Variants in COTL1 observed in about 807,000 individuals in gnomAD.
COTL1 encodes coactosin like F-actin binding protein 1.
Under a neutral mutation model 16.5 loss-of-function variants are expected in COTL1, and 15 were observed. The ratio of observed to expected loss-of-function variants is 0.91; its 90% confidence interval spans 0.61 to 1.40. COTL1 has a LOEUF of 1.40. COTL1 is among the 40% of genes most tolerant of loss of function. The pLI is 0.00. For missense variants in COTL1, 220 were observed against 201.5 expected (o/e 1.09, Z -0.56); for synonymous variants, 112 against 85.3 (o/e 1.31, Z -1.73).
chr16:84,584,796 T>G, intron 3 of COTL1, among the ~76,000 whole-genome samples: 1 of 152,184 alleles, frequency 6.6e-6, no homozygotes, highest in East Asian at 1.9e-4. Flanking sequence ...CTATATTTGC[T>G]CATTTAATCC....
intron 2 of COTL1, among the ~76,000 whole-genome samples, chr16:84,591,683 CACGGTGGCAGGCACCTGTAGTCCCA>C (rs1424048597): frequency 7.2e-6 from 1 of 139,198 alleles, no homozygotes; most frequent in East Asian, 2.1e-4. Context: ...ATTAGCTGGG[CACGGTGGCAGGCACCTGTAGTCCCA>C]GCTACCAGGG....
intron 3 of COTL1, among the ~76,000 whole-genome samples, chr16:84,586,171 A>G (rs886908802): frequency 6.6e-6 from 1 of 152,194 alleles, no homozygotes; most frequent in African/African-American, 2.4e-5. Context: ...CGCCAACCCC[A>G]GAGAAAAACA....
rs777830918 is a variant in COTL1, at chr16:84,566,838, G to A, written c.*7C>T. The stretch of plus-strand genomic sequence containing the variant: ...TTTGGCAAGGGGTGGTGTGGCGGGG[G>A]CTGGGGTTACTCCGTCTGGGCGTCG... On this transcript the variant is annotated 3_prime_UTR_variant, in exon 4 of 4. Transcript: ENST00000262428. 2.0e-5 allele frequency: 32 copies of A among 1,593,830 alleles called. No homozygotes were observed. Among genetic ancestry groups the A allele is most frequent in the Admixed American group, 3.4e-5 (2 of 59,512 alleles).
chr16:84,575,013 G>T (rs1904420730), intron 3 of COTL1, among the ~76,000 whole-genome samples: 1 of 152,052 alleles, frequency 6.6e-6, no homozygotes, highest in Admixed American at 6.5e-5. Flanking sequence ...CTCCTGTCTT[G>T]GTTTTAAATC....
At chr16:84,601,876 G>C (rs1425235676) in intron 2 of COTL1, among the ~76,000 whole-genome samples, 1 of 152,210 alleles carries the variant, frequency 6.6e-6, no homozygotes, top group Non-Finnish European at 1.5e-5. Context: ...AACAGCCTCT[G>C]CTGGCAAGTT....
chr16:84,604,432 A>G (rs1905169597), intron 2 of COTL1, among the ~76,000 whole-genome samples: 1 of 150,536 alleles, frequency 6.6e-6, no homozygotes, highest in South Asian at 2.1e-4. Context: ...TTATTTACAC[A>G]GCATGAACTG....
rs1214184468 is a variant in COTL1 at position 84,565,960 on chromosome 16, A to T, written c.*885T>A. The T allele has an allele frequency of 6.6e-6, 1 of 152,324 alleles. No homozygotes were observed. Among genetic ancestry groups the T allele is most frequent in the Non-Finnish European group, 1.5e-5 (1 of 68,078 alleles). The allele number at this position is 152,324 out of a possible 1,614,324, so 9.4% of individuals were successfully genotyped here. On this transcript the variant is annotated 3_prime_UTR_variant, in exon 4 of 4. Coordinates refer to ENST00000262428, the MANE Select transcript of COTL1 (RefSeq NM_021149.5). ...TCCTGAACCTAAGGGATCCGTTCCC[A>T]GCTCTCCTTAAATTCCCAGTCCCCA...
chr16:84,609,017 C>G (rs1763411271), intron 2 of COTL1, among the ~76,000 whole-genome samples: 1 of 152,164 alleles, frequency 6.6e-6, no homozygotes, highest in African/African-American at 2.4e-5. Flanking sequence ...TATAACTGCC[C>G]AAAGCCCTGT....
chr16:84,584,896 G>C (rs111600171), intron 3 of COTL1, among the ~76,000 whole-genome samples: 2 of 152,114 alleles, frequency 1.3e-5, no homozygotes, highest in Non-Finnish European at 2.9e-5. Flanking sequence ...TGTGCCCAAG[G>C]CCACACAGTA....
intron 2 of COTL1, among the ~76,000 whole-genome samples, chr16:84,602,201 A>G (rs1044722283): frequency 2.9e-5 from 3 of 103,290 alleles, no homozygotes; most frequent in Non-Finnish European, 6.4e-5. Flanking sequence ...TTTCAGTTCA[A>G]TGGGGGTGGG....
At position 84,582,790 on chromosome 16, in the gene COTL1, T is replaced by G. The variant is rs1479493229; in HGVS notation, c.318+7315A>C. On this transcript the variant is annotated intron_variant, in intron 3 of 3. Coordinates refer to ENST00000262428, the MANE Select transcript of COTL1 (RefSeq NM_021149.5). ...AATTTTACATTCTCTTTTTCCTAAG[T>G]GAAAACACAGAAATTCTAGTGATAA... is the stretch of plus-strand genomic sequence containing the variant. Among the ~76,000 whole-genome samples, 74 of 152,130 alleles carry G rather than the reference T, an allele frequency of 4.9e-4. 2 individuals carry two copies. The highest frequency in any genetic ancestry group is 7.4e-5 in the Non-Finnish European group (5 of 68,008).
intron 3 of COTL1, among the ~76,000 whole-genome samples, chr16:84,579,598 G>A (rs1304188674): frequency 6.6e-6 from 1 of 152,248 alleles, no homozygotes; most frequent in African/African-American, 2.4e-5. Context: ...GGAAGGGGCA[G>A]ACCCCTCTGT....
chr16:84,570,093 C>T (rs59404240), intron 3 of COTL1, among the ~76,000 whole-genome samples: 21,227 of 151,992 alleles, frequency 0.14, 1,678 homozygotes, highest in East Asian at 0.31. Flanking sequence ...CTGGCCAACA[C>T]GGTGAAAACC....
At chr16:84,613,308 TTC>T (rs1666621780) in intron 2 of COTL1, among the ~76,000 whole-genome samples, 1 of 152,142 alleles carries the variant, frequency 6.6e-6, no homozygotes, top group African/African-American at 2.4e-5. Flanking sequence ...ACTAGAGTGT[TTC>T]TGATTCCAAA....
chr16:84,613,055 C>A (rs1269365865), intron 2 of COTL1, among the ~76,000 whole-genome samples: 1 of 149,394 alleles, frequency 6.7e-6, no homozygotes, highest in Non-Finnish European at 1.5e-5. Flanking sequence ...GGCTAGAGTA[C>A]AACAGCGCGA....
In COTL1 at chr16:84,566,949, C is replaced by T. The variant is rs759753858; in HGVS notation, c.325G>A (p.Ala109Thr). ...CGATCACTGATCACAAACTCCTTAG[C>T]GAAATTCTGCAAGAACAAAGGAAAA... ...TLVKEVVQNF[A>T]KEFVISDRKE... Residue 109 changes from alanine (A) to threonine (T), a missense_variant, in exon 4 of 4, where the codon GCT becomes ACT. Coordinates refer to ENST00000262428, the MANE Select transcript of COTL1 (RefSeq NM_021149.5). The T allele has an allele frequency of 4.3e-6, 7 of 1,610,220 alleles. No individual in the cohort carries two copies. Among genetic ancestry groups the T allele is most frequent in the Middle Eastern group, 1.6e-4 (1 of 6,076 alleles).
At chr16:84,570,708 A>G (rs1904323075) in intron 3 of COTL1, among the ~76,000 whole-genome samples, 1 of 152,230 alleles carries the variant, frequency 6.6e-6, no homozygotes, top group Non-Finnish European at 1.5e-5. Flanking sequence ...TCTGCTCGGT[A>G]GAAAATAGAA....
In COTL1 at chr16:84,613,294, C is replaced by A. The variant is rs190543198; in HGVS notation, c.160+4207G>T. Among the ~76,000 whole-genome samples the A allele has an allele frequency of 1.1e-3, 167 of 152,226 alleles. 1 individual carries two copies. The highest frequency in any genetic ancestry group is 0.01 in the Middle Eastern group (3 of 294). On this transcript the variant is annotated intron_variant, in intron 2 of 3. Coordinates refer to ENST00000262428, the MANE Select transcript of COTL1 (RefSeq NM_021149.5). ...GGATTACAGGCATGAGCCACGGCGC[C>A]CGGACTAGAGTGTTTCTGATTCCAA... is the stretch of plus-strand genomic sequence containing the variant.
At chr16:84,603,614 G>A (rs760074491) in intron 2 of COTL1, among the ~76,000 whole-genome samples, 2 of 152,122 alleles carry the variant, frequency 1.3e-5, no homozygotes, top group South Asian at 2.1e-4. Context: ...AGGACAAGGC[G>A]GCCTTGGGAC....
Sources: gnomAD v4.1 joint callset for allele counts (sites outside exome capture counted in the v4.1 genomes callset) on GRCh38, gnomAD v4.1.1 for gene constraint, MANE v1.5 for transcripts, NCBI Gene and HGNC (gene_info 2026-07-23, HGNC 2026-07-21) for gene names.